The following RTKN variants were observed in gnomAD, a reference collection of about 807,000 sequenced individuals.
The protein encoded by RTKN is rhotekin.
A neutral mutation model predicts 63.5 loss-of-function variants in RTKN; 49 were observed. The ratio of observed to expected loss-of-function variants is 0.77; its 90% CI spans 0.61 to 0.98. The LOEUF (loss-of-function observed/expected upper bound fraction) is 0.98, where lower values mean the gene tolerates loss of function less well. Ranked by LOEUF, RTKN falls within the 50% of genes least tolerant of loss-of-function variation. The probability of loss-of-function intolerance (pLI) is 0.00; values close to 1 mark genes in which losing one functional copy is unlikely to be tolerated. For missense variants in RTKN, 685 were observed against 740.8 expected (o/e 0.92, Z 0.87); for synonymous variants, 295 against 290.4 (o/e 1.02, Z -0.16).
intron 1 of RTKN, chr2:74,439,823 G>A (rs553035250): frequency 5.7e-6 from 8 of 1,398,754 alleles, no homozygotes; most frequent in East Asian, 2.6e-5. Flanking sequence ...AATTTTCCTC[G>A]CCCACTGCTG....
intron 1 of RTKN, among the ~76,000 whole-genome samples, chr2:74,433,275 A>T (rs911821711): frequency 2.7e-5 from 4 of 150,484 alleles, no homozygotes; most frequent in Non-Finnish European, 4.4e-5. Flanking sequence ...TATATATATA[A>T]AACAAATAAG....
intron 1 of RTKN, chr2:74,439,687 A>C (rs1012408209): frequency 6.2e-7 from 1 of 1,602,896 alleles, no homozygotes; most frequent in Non-Finnish European, 8.5e-7. Flanking sequence ...TAGGTACCAC[A>C]CTGTCCCACA....
Position 74,430,467 on chromosome 2 carries a change from C to T in RTKN, c.425G>A (p.Gly142Asp), listed in dbSNP as rs1451484891. The T allele has an allele frequency of 4.3e-6, 7 of 1,613,958 alleles. No individual in the cohort carries two copies. Among genetic ancestry groups the T allele is most frequent in the South Asian group, 1.1e-5 (1 of 91,084 alleles). The change falls in exon 4 of 12, where the codon GGT (glycine) becomes GAT (aspartate). Residue 142 changes from glycine to aspartate, a missense_variant and splice_region_variant. Physicochemically the swap from Gly to Asp is moderately conservative, Grantham distance 94. Transcript: ENST00000272430. ...WKDTEYFKNK[G>D]DLHRWAVFLL... ...GTCCCAGGGTGTGTGGAACTCACCA[C>T]CTTTGTTCTTGAAATATTCTGTGTC... is the stretch of plus-strand genomic sequence containing the variant.
chr2:74,435,449 A>G (rs1159713376), intron 1 of RTKN, among the ~76,000 whole-genome samples: 1 of 152,180 alleles, frequency 6.6e-6, no homozygotes, highest in East Asian at 1.9e-4. Flanking sequence ...TGGTAGCAGC[A>G]TTTACTCAGT....
At chr2:74,432,364 A>C (rs752965062) in intron 2 of RTKN, 103 bp downstream of exon 2, 3 of 1,087,724 alleles carry the variant, frequency 2.8e-6, no homozygotes, top group South Asian at 2.5e-5. Flanking sequence ...TTCATGGGGA[A>C]GTCATCTTTA....
At chr2:74,426,777 C>T in intron 11 of RTKN, 1 of 1,357,270 alleles carries the variant, frequency 7.4e-7, no homozygotes, top group Non-Finnish European at 9.4e-7. Flanking sequence ...ACATGGGGCA[C>T]AAGGTAGATG....
Position 74,425,998 on chromosome 2 carries a change from G to T in RTKN, c.*245C>A. Reference sequence around the variant, plus strand: ...TAGTGCAGGGAGGTAGGGCAGAGTTGGTTCCAGTTTTCTTCCAGGAAGGGT... The same window carrying T: ...TAGTGCAGGGAGGTAGGGCAGAGTTTGTTCCAGTTTTCTTCCAGGAAGGGT... On this transcript the variant is annotated 3_prime_UTR_variant, in exon 12 of 12. Coordinates refer to ENST00000272430, the MANE Select transcript of RTKN (RefSeq NM_001015055.2). 1.6e-6 allele frequency: 1 copy of T among 643,204 alleles called. No homozygotes were observed. Among genetic ancestry groups the T allele is most frequent in the Non-Finnish European group, 2.7e-6 (1 of 376,998 alleles). 39.8% of individuals were successfully genotyped at this position (643,204 alleles called of 1,614,324 possible).
rs183329995 is a variant in RTKN, at chr2:74,430,920, C to T, written c.312-243G>A. 8.9e-4 allele frequency: 486 copies of T among 543,080 alleles called. 7 individuals carry two copies. The East Asian group carries it at 0.012, about 13-fold the overall frequency. 33.6% of individuals were successfully genotyped at this position (543,080 alleles called of 1,614,324 possible). ...TCACACATAAGGCACAAGCTCAGGG[C>T]TCCTCTCTCCAAGCAACCTCCCTGA... On this transcript the variant is annotated intron_variant, in intron 2 of 11. Coordinates refer to ENST00000272430, the MANE Select transcript of RTKN (RefSeq NM_001015055.2).
chr2:74,427,415 C>G lies in RTKN; in HGVS notation c.1255+9G>C, dbSNP rs753864814. The G allele has an allele frequency of 6.2e-7, 1 of 1,613,710 alleles. No individual in the cohort carries two copies. ...CCCAAAGGTTCAACCCAGCCCCCTT[C>G]TCTCTTACTCATGTCAAAGAAAAGC... On this transcript the variant is annotated intron_variant, in intron 10 of 11. Coordinates refer to ENST00000272430, the MANE Select transcript of RTKN (RefSeq NM_001015055.2).
At chr2:74,432,349 A>G (rs1670795636) in intron 2 of RTKN, 118 bp downstream of exon 2, 1 of 1,005,278 alleles carries the variant, frequency 9.9e-7, no homozygotes, top group Admixed American at 1.7e-5. Context: ...GGTCCCTGAT[A>G]AGACTTCATG....
Position 74,432,562 on chromosome 2 carries a change from G to C in RTKN, c.216C>G (p.Thr72=), listed in dbSNP as rs748413164. 6.2e-7 allele frequency: 1 copy of C among 1,614,090 alleles called. No homozygotes were observed. Among genetic ancestry groups the C allele is most frequent in the Non-Finnish European group, 8.5e-7 (1 of 1,180,034 alleles). ...CSQREQALEA[T]KSLLVCNSRI... The stretch of plus-strand genomic sequence containing the variant: ...GGCTGTTGCACACTAGCAGGCTCTT[G>C]GTGGCCTCCAGAGCCTGCTCTCGCT... Residue 72 remains threonine (T), a synonymous_variant, in exon 2 of 12, where the codon ACC becomes ACG. Transcript: ENST00000272430.
intron 2 of RTKN, 122 bp from the exon 3 acceptor site, chr2:74,430,799 G>T (rs1473168662): frequency 2.1e-6 from 2 of 933,244 alleles, no homozygotes; most frequent in African/African-American, 1.7e-5. Flanking sequence ...CAGCCAGGCC[G>T]ACAGGCAGGG....
Position 74,432,555 on chromosome 2 carries a change from G to A in RTKN, c.223C>T (p.Leu75=). ...AGGATGCGGCTGTTGCACACTAGCAGGCTCTTGGTGGCCTCCAGAGCCTGC... is the reference window on the plus strand; with the variant it reads ...AGGATGCGGCTGTTGCACACTAGCAAGCTCTTGGTGGCCTCCAGAGCCTGC... ...REQALEATKS[L]LVCNSRILSY... The change falls in exon 2 of 12, where the codon CTG becomes TTG. Residue 75 remains leucine (L), a synonymous_variant. Transcript: ENST00000272430. The A allele has an allele frequency of 6.2e-7, 1 of 1,614,088 alleles. No individual in the cohort carries two copies. The highest frequency in any genetic ancestry group is 8.5e-7 in the Non-Finnish European group (1 of 1,180,042).
chr2:74,440,232 G>T, intron 1 of RTKN: 1 of 544,594 alleles, frequency 1.8e-6, no homozygotes, highest in Non-Finnish European at 2.4e-6. Context: ...GAGGACCTCA[G>T]GGGAGAGTGA....
chr2:74,433,157 G>A (rs1670853899), intron 1 of RTKN, among the ~76,000 whole-genome samples: 1 of 151,428 alleles, frequency 6.6e-6, no homozygotes, highest in Admixed American at 6.6e-5. Context: ...GCAGGAGAAT[G>A]GCATGAACCC....
chr2:74,426,868 A>AG (rs1670426267), intron 11 of RTKN: 1 of 1,344,396 alleles, frequency 7.4e-7, no homozygotes. Context: ...CAGGCAAGTG[A>AG]GGGGTCAGAA....
chr2:74,426,835 AGAG>A (rs976305665), intron 11 of RTKN: 16 of 1,347,252 alleles, frequency 1.2e-5, no homozygotes, highest in African/African-American at 1.5e-5. Context: ...GAAGAAACCA[AGAG>A]GAGAAAATGA....
At chr2:74,440,372 G>T (rs1671297990) in intron 1 of RTKN, 2 of 986,420 alleles carry the variant, frequency 2.0e-6, no homozygotes, top group African/African-American at 1.7e-5. Context: ...CCAGAGAAGG[G>T]AGGAGAGGGA....
In RTKN at chr2:74,429,850, A is replaced by G. The variant is rs745347530; in HGVS notation, c.733T>C (p.Leu245=). ...SAGGSGSSPI[L]LPTPVVGGPR... ...TACCCAACAACTGGGGTGGGGAGCA[A>G]GATGGGACTGCTCCCTGAACCCCCA... is the stretch of plus-strand genomic sequence containing the variant. Residue 245 remains leucine, a synonymous_variant, in exon 6 of 12, where the codon TTG becomes CTG. Coordinates refer to ENST00000272430, the MANE Select transcript of RTKN (RefSeq NM_001015055.2). The G allele has an allele frequency of 6.2e-7, 1 of 1,613,928 alleles. No individual in the cohort carries two copies. The highest frequency in any genetic ancestry group is 8.5e-7 in the Non-Finnish European group (1 of 1,179,962).
Sources: allele counts gnomAD v4.1 joint callset (sites outside exome capture counted in the v4.1 genomes callset), GRCh38; gene constraint gnomAD v4.1.1; transcripts MANE v1.5; gene names NCBI Gene and HGNC (gene_info 2026-07-23, HGNC 2026-07-21).